CDH12: variants seen among roughly 807,000 people sequenced by gnomAD.
The protein encoded by CDH12 is cadherin 12.
CDH12 carries 41 observed loss-of-function variants against 74.1 expected under a neutral mutation model. That is an observed-to-expected ratio of 0.55 (90% CI 0.43 to 0.72). CDH12 has a LOEUF of 0.72. Among genes scored for constraint, CDH12 ranks in the 30% least tolerant of loss-of-function variants. The pLI is 0.00. For missense variants in CDH12, 945 were observed against 977.2 expected (o/e 0.97, Z 0.44); for synonymous variants, 399 against 355.0 (o/e 1.12, Z -1.39).
At chr5:22,847,107 T>C (rs1000569290) in intron 1 of CDH12, among the ~76,000 whole-genome samples, 11 of 152,280 alleles carry the variant, frequency 7.2e-5, no homozygotes, top group African/African-American at 2.4e-4. Context: ...GTGATCTTCT[T>C]CTAGTAGGTG....
chr5:22,414,877 A>T (rs1034479810), intron 2 of CDH12, among the ~76,000 whole-genome samples: 3 of 152,028 alleles, frequency 2.0e-5, no homozygotes, highest in African/African-American at 4.8e-5. Context: ...GAGTTAATTA[A>T]ATATGTTTTT....
At chr5:21,877,806 G>C (rs1312398746) in intron 6 of CDH12, among the ~76,000 whole-genome samples, 1 of 152,212 alleles carries the variant, frequency 6.6e-6, no homozygotes, top group Non-Finnish European at 1.5e-5. Context: ...GTCTACAGAA[G>C]AGTGTACAAT....
At position 22,469,063 on chromosome 5, in the gene CDH12, C is replaced by T. The variant is rs184981323; in HGVS notation, c.-428+36207G>A. ...AATTCTTGGGCCCCAATTCAGATCA[C>T]CTTAATCAGAATATTTTGAGGGTGA... On this transcript the variant is annotated intron_variant, in intron 2 of 14. Transcript: ENST00000382254. Among the ~76,000 whole-genome samples, 7 of 152,232 alleles carry T rather than the reference C, an allele frequency of 4.6e-5. No homozygotes were observed. The East Asian group carries it at 1.4e-3, about 29-fold the overall frequency.
At chr5:21,915,953 C>CATT (rs1554043878) in intron 6 of CDH12, among the ~76,000 whole-genome samples, 4 of 150,572 alleles carry the variant, frequency 2.7e-5, no homozygotes, top group Admixed American at 6.6e-5. Context: ...GGCCTTCATA[C>CATT]TTTTAATTAG....
At chr5:22,058,019 A>G (rs1051610630) in intron 5 of CDH12, among the ~76,000 whole-genome samples, 3 of 146,168 alleles carry the variant, frequency 2.1e-5, no homozygotes, top group African/African-American at 8.3e-5. Context: ...CTATCTATCT[A>G]TCTATCTATC....
At chr5:22,472,649 G>A (rs1328760529) in intron 2 of CDH12, among the ~76,000 whole-genome samples, 1 of 151,814 alleles carries the variant, frequency 6.6e-6, no homozygotes, top group African/African-American at 2.4e-5. Flanking sequence ...ATTATACTGT[G>A]GAATTATCCT....
chr5:22,572,478 A>G (rs1292666050), intron 1 of CDH12, among the ~76,000 whole-genome samples: 2 of 152,098 alleles, frequency 1.3e-5, no homozygotes, highest in East Asian at 3.9e-4. Flanking sequence ...TTTCATATGT[A>G]GGGCTCCATT....
intron 3 of CDH12, among the ~76,000 whole-genome samples, chr5:22,365,970 T>C (rs949904530): frequency 6.6e-6 from 1 of 152,138 alleles, no homozygotes; most frequent in African/African-American, 2.4e-5. Flanking sequence ...TGTTTTGTTT[T>C]GTTTTTGAGA....
At chr5:22,174,908 A>T in intron 4 of CDH12, among the ~76,000 whole-genome samples, 1 of 152,026 alleles carries the variant, frequency 6.6e-6, no homozygotes, top group East Asian at 1.9e-4. Flanking sequence ...TTGCTGTGCC[A>T]GGAATATAAG....
At chr5:22,656,732 A>C (rs909257707) in intron 1 of CDH12, among the ~76,000 whole-genome samples, 3 of 152,238 alleles carry the variant, frequency 2.0e-5, no homozygotes, top group African/African-American at 7.2e-5. Context: ...GACATATTAA[A>C]ATGTCCATAA....
At chr5:22,424,828 C>G (rs1161969089) in intron 2 of CDH12, among the ~76,000 whole-genome samples, 1 of 151,678 alleles carries the variant, frequency 6.6e-6, no homozygotes, top group African/African-American at 2.4e-5. Context: ...GATTGATTTG[C>G]TTATAACCAT....
intron 1 of CDH12, among the ~76,000 whole-genome samples, chr5:22,517,794 C>T (rs145295196): frequency 6.6e-6 from 1 of 152,196 alleles, no homozygotes; most frequent in African/African-American, 2.4e-5. Flanking sequence ...TCTCTACTTC[C>T]TGTCTTTTGT....
intron 3 of CDH12, among the ~76,000 whole-genome samples, chr5:22,387,294 AAATGT>A (rs1224877531): frequency 2.6e-5 from 4 of 152,256 alleles, no homozygotes; most frequent in South Asian, 2.1e-4. Flanking sequence ...AAATTTAAAA[AAATGT>A]AATGTACATT....
chr5:22,743,446 A>G (rs1316604951), intron 1 of CDH12, among the ~76,000 whole-genome samples: 1 of 151,866 alleles, frequency 6.6e-6, no homozygotes, highest in Non-Finnish European at 1.5e-5. Context: ...TGGAAGAAAA[A>G]TGATGACATG....
intron 1 of CDH12, among the ~76,000 whole-genome samples, chr5:22,660,569 G>T (rs193139606): frequency 6.6e-6 from 1 of 152,018 alleles, no homozygotes; most frequent in Non-Finnish European, 1.5e-5. Flanking sequence ...GCATCACCAC[G>T]CCCAGCTAAT....
intron 3 of CDH12, among the ~76,000 whole-genome samples, chr5:22,383,584 A>C (rs548862751): frequency 4.6e-5 from 7 of 152,268 alleles, no homozygotes; most frequent in African/African-American, 1.4e-4. Flanking sequence ...TGCTGGTAGA[A>C]ATTCTCATTT....
chr5:22,727,305 G>T (rs867433039), intron 1 of CDH12, among the ~76,000 whole-genome samples: 3 of 151,618 alleles, frequency 2.0e-5, no homozygotes, highest in Non-Finnish European at 4.4e-5. Flanking sequence ...GTCTGCATTT[G>T]TATTTTTTCT....
chr5:21,964,527 C>A (rs1756498733), intron 6 of CDH12, among the ~76,000 whole-genome samples: 1 of 151,834 alleles, frequency 6.6e-6, no homozygotes, highest in Non-Finnish European at 1.5e-5. Context: ...GGAAGTCTTT[C>A]TTCTCCTGCT....
intron 5 of CDH12, among the ~76,000 whole-genome samples, chr5:21,990,251 C>T (rs1757689490): frequency 6.6e-6 from 1 of 152,126 alleles, no homozygotes. Flanking sequence ...AATGCATGCA[C>T]ATATAGCAAG....
Sources: allele counts gnomAD v4.1 joint callset (sites outside exome capture counted in the v4.1 genomes callset), GRCh38; gene constraint gnomAD v4.1.1; transcripts MANE v1.5; gene names NCBI Gene and HGNC (gene_info 2026-07-23, HGNC 2026-07-21).